Variants in SRSF3 observed in about 807,000 individuals in gnomAD.
SRSF3 encodes serine and arginine rich splicing factor 3.
For synonymous variants in SRSF3, 87 were observed against 73.6 expected, an observed-to-expected ratio of 1.18 and a Z score of -0.93; for missense variants, 58 against 217.1, an observed-to-expected ratio of 0.27 and a Z score of 4.61.
intron 1 of SRSF3, among the ~76,000 whole-genome samples, chr6:36,595,626 A>G (rs1316131276): frequency 6.6e-6 from 1 of 152,142 alleles, no homozygotes; most frequent in East Asian, 1.9e-4. Context: ...ACTTAGCGTA[A>G]TGTTTTCAAG....
In SRSF3 at chr6:36,602,150, T is replaced by A; in HGVS notation, c.*161T>A. ...GTCTCTTGAAACAGTGACACAAAGG[T>A]GTAATTCTCTATGGTTTGAAATGGA... On this transcript the variant is annotated 3_prime_UTR_variant, in exon 6 of 6. Transcript: ENST00000373715. The A allele has an allele frequency of 7.4e-7, 1 of 1,352,086 alleles. No homozygotes were observed. The highest frequency in any genetic ancestry group is 3.0e-5 in the Admixed American group (1 of 33,692). 83.8% of individuals were successfully genotyped at this position (1,352,086 alleles called of 1,614,324 possible). A position where few individuals can be genotyped will look rare whatever the true frequency, so the allele number is the denominator to read the frequency against.
intron 1 of SRSF3, 46 bp from the exon 2 acceptor site, chr6:36,596,715 T>C: frequency 6.5e-7 from 1 of 1,541,476 alleles, no homozygotes; most frequent in South Asian, 1.1e-5. Context: ...TGGTTTTAAC[T>C]GTAGATGTTT....
chr6:36,601,692 T>G lies in SRSF3; in HGVS notation c.381-16T>G, dbSNP rs199929053. ...TATCATACCTCATTGGTCCTAATGT[T>G]TTTTTGCTTGTTTAGGTCCCTTTCT... is the stretch of plus-strand genomic sequence containing the variant. On this transcript the variant is annotated splice_polypyrimidine_tract_variant and intron_variant, in intron 4 of 5. Coordinates refer to ENST00000373715, the MANE Select transcript of SRSF3 (RefSeq NM_003017.5). The G allele has an allele frequency of 3.8e-5, 61 of 1,585,144 alleles. No homozygotes were observed. The East Asian group carries it at 1.2e-3, about 30-fold the overall frequency.
intron 3 of SRSF3, chr6:36,599,610 C>T: frequency 2.8e-6 from 1 of 360,650 alleles, no homozygotes; most frequent in Non-Finnish European, 5.4e-6. Flanking sequence ...TTCTATAGGA[C>T]TAAATTTACC....
rs118174839 is a variant in SRSF3, at chr6:36,599,716, A to G, written c.341+733A>G. ...ACAACAGCACACTGTTGCCCATCAT[A>G]ATAAAGAGTATTTGTTAGCTAATAG... is the stretch of plus-strand genomic sequence containing the variant. On this transcript the variant is annotated intron_variant, in intron 3 of 5. Transcript: ENST00000373715. 7.6e-4 allele frequency: 672 copies of G among 887,454 alleles called. 8 individuals are homozygous for G. In the East Asian group the frequency reaches 0.033, roughly 44 times the overall value. The allele number at this position is 887,454 out of a possible 1,614,324, so 55.0% of individuals were successfully genotyped here. A position where few individuals can be genotyped will look rare whatever the true frequency, so the allele number is the denominator to read the frequency against.
rs1256081691 is a variant in SRSF3 at position 36,604,542 on chromosome 6, T to C, written c.*2553T>C. The C allele has an allele frequency of 5.7e-6, 1 of 176,504 alleles. No homozygotes were observed. 10.9% of individuals were successfully genotyped at this position (176,504 alleles called of 1,614,324 possible). A position where few individuals can be genotyped will look rare whatever the true frequency, so the allele number is the denominator to read the frequency against. The stretch of plus-strand genomic sequence containing the variant: ...GCAGAAAGTAGGGAAGTTGTAGTTT[T>C]ACCAAGCACAGGTACCCTGTGTCTA... On this transcript the variant is annotated 3_prime_UTR_variant, in exon 6 of 6. Coordinates refer to ENST00000373715, the MANE Select transcript of SRSF3 (RefSeq NM_003017.5).
At chr6:36,601,485 C>T in intron 4 of SRSF3, 2 of 573,314 alleles carry the variant, frequency 3.5e-6, no homozygotes, top group Non-Finnish European at 6.1e-6. Context: ...GTAGCTTGGA[C>T]TACAGGCAAG....
chr6:36,604,341 C>A lies in SRSF3; in HGVS notation c.*2352C>A. ...GACACTGGCTGGATGTGGTGGCTCA[C>A]ACTTGTAATTCCTAGCACTTTGGGA... is the stretch of plus-strand genomic sequence containing the variant. On this transcript the variant is annotated 3_prime_UTR_variant, in exon 6 of 6. Transcript: ENST00000373715. The A allele has an allele frequency of 4.8e-6, 1 of 208,494 alleles. No homozygotes were observed. Among genetic ancestry groups the A allele is most frequent in the Non-Finnish European group, 9.8e-6 (1 of 102,330 alleles). The allele number at this position is 208,494 out of a possible 1,614,324, so 12.9% of individuals were successfully genotyped here.
chr6:36,595,490 CTCCCAGAT>C (rs1453942807), intron 1 of SRSF3, among the ~76,000 whole-genome samples: 4 of 152,218 alleles, frequency 2.6e-5, no homozygotes, highest in African/African-American at 9.6e-5. Context: ...TGAGCACTTA[CTCCCAGAT>C]TCCCTGTCCC....
intron 2 of SRSF3, chr6:36,598,363 T>G (rs1253172336): frequency 6.6e-6 from 1 of 152,238 alleles, no homozygotes; most frequent in African/African-American, 2.4e-5. Flanking sequence ...TAATTGAAAT[T>G]TTAATTTGAA....
rs769254222 is a variant in SRSF3, at chr6:36,596,996, T to C, written c.206+28T>C. 4.4e-6 allele frequency: 7 copies of C among 1,604,370 alleles called. No homozygotes were observed. The Admixed American group carries it at 1.2e-4, about 27-fold the overall frequency. On this transcript the variant is annotated intron_variant, in intron 2 of 5. Coordinates refer to ENST00000373715, the MANE Select transcript of SRSF3 (RefSeq NM_003017.5). ...GATTTAATGATTACGCTGATAAAAATGTGTTGCTTGTGTTTTTCATATTTA... is the reference window on the plus strand; with the variant it reads ...GATTTAATGATTACGCTGATAAAAACGTGTTGCTTGTGTTTTTCATATTTA...
Position 36,602,969 on chromosome 6 carries a change from G to A in SRSF3, c.*980G>A, listed in dbSNP as rs1778743113. The A allele has an allele frequency of 4.6e-6, 1 of 217,124 alleles. No homozygotes were observed. 13.4% of individuals were successfully genotyped at this position (217,124 alleles called of 1,614,324 possible). Reference sequence around the variant, plus strand: ...TACCATTGTTCTTATCCCATGGGAAGCAGTTGGTTACACGATTCTTATTTT... The same window carrying A: ...TACCATTGTTCTTATCCCATGGGAAACAGTTGGTTACACGATTCTTATTTT... On this transcript the variant is annotated 3_prime_UTR_variant, in exon 6 of 6. Transcript: ENST00000373715.
intron 3 of SRSF3, 184 bp from the exon 4 acceptor site, chr6:36,600,968 C>G (rs1412881766): frequency 2.1e-6 from 1 of 482,698 alleles, no homozygotes; most frequent in African/African-American, 2.1e-5. Flanking sequence ...GTTTCTTAAT[C>G]CTTCTGTGCC....
rs1358732196 is a variant in SRSF3, at chr6:36,596,972, ATT to A, written c.206+6_206+7del. On this transcript the variant is annotated splice_donor_5th_base_variant and intron_variant, in intron 2 of 5. Transcript: ENST00000373715. The stretch of plus-strand genomic sequence containing the variant: ...CAGTCCGAGAGCTAGATGGAAGGTG[ATT>A]TAATGATTACGCTGATAAAAATGTG... The A allele has an allele frequency of 8.1e-6, 13 of 1,613,164 alleles. No homozygotes were observed. The South Asian group carries it at 1.2e-4, about 15-fold the overall frequency.
intron 3 of SRSF3, chr6:36,600,915 G>T (rs2127506250): frequency 2.4e-6 from 1 of 419,676 alleles, no homozygotes; most frequent in African/African-American, 2.1e-5. Context: ...CTTTGTTAAA[G>T]TGAATCCATG....
intron 1 of SRSF3, among the ~76,000 whole-genome samples, chr6:36,596,041 C>T (rs925099312): frequency 2.6e-5 from 4 of 152,154 alleles, no homozygotes; most frequent in African/African-American, 9.7e-5. Flanking sequence ...TGTTCTGCCT[C>T]AGCCTCCCGA....
chr6:36,597,189 T>G (rs909016352), intron 2 of SRSF3: 4 of 547,094 alleles, frequency 7.3e-6, no homozygotes, highest in Non-Finnish European at 1.3e-5. Flanking sequence ...CCCCGCAACC[T>G]CGGCCTCCGG....
At chr6:36,594,878 T>C (rs1177822097) in intron 1 of SRSF3, 1 of 152,094 alleles carries the variant, frequency 6.6e-6, no homozygotes, top group Non-Finnish European at 1.5e-5. Flanking sequence ...TCATATTAAA[T>C]GGCCCCCGTA....
chr6:36,595,687 T>C (rs990226642), intron 1 of SRSF3, among the ~76,000 whole-genome samples: 3 of 152,236 alleles, frequency 2.0e-5, no homozygotes, highest in African/African-American at 4.8e-5. Flanking sequence ...ATAATACTCA[T>C]TTTATGTCTA....
Sources: allele counts gnomAD v4.1 joint callset (sites outside exome capture counted in the v4.1 genomes callset), GRCh38; gene constraint gnomAD v4.1.1; transcripts MANE v1.5; gene names NCBI Gene and HGNC (gene_info 2026-07-23, HGNC 2026-07-21).